Variants in ZNF254 observed in about 807,000 individuals in gnomAD.
ZNF254 encodes CTD-2017D11.1.
ZNF254 carries 10 observed loss-of-function variants against 12.4 expected under a neutral mutation model. The observed-to-expected ratio is 0.80, with a 90% CI of 0.50 to 1.36. The LOEUF is 1.36. Ranked by LOEUF, ZNF254 falls within the 40% of genes most tolerant of loss-of-function variation. The pLI is 0.00. For missense variants in ZNF254, 996 were observed against 763.9 expected (o/e 1.30, Z -3.58); for synonymous variants, 305 against 253.4 (o/e 1.20, Z -1.93).
In ZNF254 at chr19:24,105,931, G is replaced by GT. The variant is rs1243157506; in HGVS notation, c.31-5dup. The GT allele has an allele frequency of 1.3e-6, 2 of 1,586,752 alleles. No individual in the cohort carries two copies. The highest frequency in any genetic ancestry group is 2.7e-5 in the African/African-American group (2 of 74,252). ...TTTGTAAATATGTGTGTTTGTGTGTGTTTTCCAGGGACTGTTGACATTTAG... is the reference window on the plus strand; with the variant it reads ...TTTGTAAATATGTGTGTTTGTGTGTGTTTTTCCAGGGACTGTTGACATTTAG... On this transcript the variant is annotated splice_polypyrimidine_tract_variant and intron_variant, in intron 1 of 3. Coordinates refer to ENST00000357002, the MANE Select transcript of ZNF254 (RefSeq NM_203282.4).
At position 24,127,088 on chromosome 19, in the gene ZNF254, C is replaced by T. The variant is rs1387786668; in HGVS notation, c.1088C>T (p.Ser363Leu). 2.5e-6 allele frequency: 4 copies of T among 1,613,402 alleles called. No homozygotes were observed. Among genetic ancestry groups the T allele is most frequent in the Admixed American group, 1.7e-5 (1 of 59,920 alleles). ...TGTGGCAAAGCTTTTAGCCAGTCCT[C>T]AACCCTTACTACACATAAGATAATT... ...EECGKAFSQS[S>L]TLTTHKIIHT... The change falls in exon 4 of 4, where the codon TCA becomes TTA. Residue 363 changes from serine to leucine, a missense_variant. Ser to Leu is a moderately radical substitution (Grantham distance 145, BLOSUM62 -2). Transcript: ENST00000357002.
In ZNF254 at chr19:24,121,368, A is replaced by G. The variant is rs183092670; in HGVS notation, c.254-4886A>G. Among the ~76,000 whole-genome samples, 20 of 152,144 alleles carry G rather than the reference A, an allele frequency of 1.3e-4. 1 individual carries two copies. The highest frequency in any genetic ancestry group is 5.9e-4 in the Admixed American group (9 of 15,280). On this transcript the variant is annotated intron_variant, in intron 3 of 3. Coordinates refer to ENST00000357002, the MANE Select transcript of ZNF254 (RefSeq NM_203282.4). ...TTGCAATTTTATATTTTTGTGTTAT[A>G]TATTCTAGCATATGCCACCATACAT...
At chr19:24,115,680 TAAAAA>T (rs944466681) in intron 3 of ZNF254, among the ~76,000 whole-genome samples, 1 of 151,928 alleles carries the variant, frequency 6.6e-6, no homozygotes, top group Non-Finnish European at 1.5e-5. Flanking sequence ...ATAATAATAA[TAAAAA>T]AAGAAAAATA....
At chr19:24,111,679 TG>T (rs1973691841) in intron 3 of ZNF254, among the ~76,000 whole-genome samples, 1 of 152,270 alleles carries the variant, frequency 6.6e-6, no homozygotes, top group African/African-American at 2.4e-5. Context: ...ATTGTGGTTT[TG>T]ATTTGCATTT....
intron 2 of ZNF254, among the ~76,000 whole-genome samples, chr19:24,059,979 T>C (rs1366483064): frequency 6.6e-6 from 1 of 152,090 alleles, no homozygotes; most frequent in Non-Finnish European, 1.5e-5. Flanking sequence ...CTACCTGCAT[T>C]CTTCCCACAG....
intron 1 of ZNF254, among the ~76,000 whole-genome samples, chr19:24,091,433 T>C (rs1165060683): frequency 1.3e-5 from 2 of 152,222 alleles, no homozygotes; most frequent in Middle Eastern, 3.2e-3. Context: ...AATTCCTTTT[T>C]TTAGCAGGGT....
chr19:24,065,224 C>G (rs1272309341), intron 2 of ZNF254, among the ~76,000 whole-genome samples: 1 of 152,154 alleles, frequency 6.6e-6, no homozygotes, highest in East Asian at 1.9e-4. Context: ...TATTGCTGGG[C>G]CCAGGAACCA....
At chr19:24,108,734 A>G (rs1180784402) in intron 3 of ZNF254, among the ~76,000 whole-genome samples, 1 of 152,220 alleles carries the variant, frequency 6.6e-6, no homozygotes, top group Non-Finnish European at 1.5e-5. Flanking sequence ...GCCACTCTCC[A>G]TATAAATTTT....
At chr19:24,052,142 C>A (rs2145318729) in intron 2 of ZNF254, among the ~76,000 whole-genome samples, 1 of 152,254 alleles carries the variant, frequency 6.6e-6, no homozygotes, top group Middle Eastern at 3.4e-3. Context: ...GGGCTTTGCC[C>A]AAGCAGGGAT....
chr19:24,041,228 T>A (rs1167591771), intron 1 of ZNF254, among the ~76,000 whole-genome samples: 8 of 152,226 alleles, frequency 5.3e-5, no homozygotes, highest in Non-Finnish European at 1.2e-4. Context: ...TGAGGAGCCC[T>A]TCAGGCCCCC....
At chr19:24,086,898 T>C (rs1972059920), upstream of ZNF254, among the ~76,000 whole-genome samples, 1 of 152,252 alleles carries the variant, frequency 6.6e-6, no homozygotes, top group Non-Finnish European at 1.5e-5. Context: ...ACATAAAATA[T>C]GTTTGTTCAC....
Position 24,127,095 on chromosome 19 carries a change from T to C in ZNF254, c.1095T>C (p.Leu365=), listed in dbSNP as rs771171615. 3.1e-6 allele frequency: 5 copies of C among 1,612,708 alleles called. No individual in the cohort carries two copies. Among genetic ancestry groups the C allele is most frequent in the Non-Finnish European group, 4.2e-6 (5 of 1,179,568 alleles). The change falls in exon 4 of 4, where the codon CTT becomes CTC. Residue 365 remains leucine, a synonymous_variant. Transcript: ENST00000357002. ...CGKAFSQSST[L]TTHKIIHTGE... The stretch of plus-strand genomic sequence containing the variant: ...AAGCTTTTAGCCAGTCCTCAACCCT[T>C]ACTACACATAAGATAATTCATACTG...
At chr19:24,046,196 C>T (rs1196048143) in exon 2 of ZNF254, 3 of 151,878 alleles carry the variant, frequency 2.0e-5, no homozygotes, top group Non-Finnish European at 2.9e-5. Flanking sequence ...CTTGCCATCT[C>T]TAAGCTGGAC....
At chr19:24,115,123 C>T (rs1383682003) in intron 3 of ZNF254, among the ~76,000 whole-genome samples, 3 of 152,140 alleles carry the variant, frequency 2.0e-5, no homozygotes, top group South Asian at 2.1e-4. Context: ...GTGGCGATTC[C>T]TCAGGGATCT....
chr19:24,082,660 A>AC (rs1040572739), upstream of ZNF254, among the ~76,000 whole-genome samples: 11 of 144,188 alleles, frequency 7.6e-5, no homozygotes, highest in African/African-American at 1.8e-4. Flanking sequence ...AAAAAAACAA[A>AC]AAAAAAAAAC....
At chr19:24,044,239 A>T (rs1355564140) in intron 1 of ZNF254, among the ~76,000 whole-genome samples, 1 of 103,806 alleles carries the variant, frequency 9.6e-6, no homozygotes, top group South Asian at 3.1e-4. Context: ...ACTCCGTTTA[A>T]AAAAAAAAAA....
Position 24,127,301 on chromosome 19 carries a change from A to C in ZNF254, c.1301A>C (p.Tyr434Ser). The change falls in exon 4 of 4, where the codon TAC (tyrosine) becomes TCC (serine). Residue 434 changes from tyrosine (Y) to serine (S), a missense_variant. Physicochemically the swap from Tyr to Ser is moderately radical, Grantham distance 144. Coordinates refer to ENST00000357002, the MANE Select transcript of ZNF254 (RefSeq NM_203282.4). ...ATAATTCATACTGGAGAGAAACCTTACAAGTGTGAAGAATGTGGCAAAGCA... is the reference window on the plus strand; with the variant it reads ...ATAATTCATACTGGAGAGAAACCTTCCAAGTGTGAAGAATGTGGCAAAGCA... ...HKIIHTGEKPYKCEECGKAFI... is the reference protein window; with the variant it reads ...HKIIHTGEKPSKCEECGKAFI... 1 of 1,613,786 alleles carries C rather than the reference A, an allele frequency of 6.2e-7. No homozygotes were observed. Among genetic ancestry groups the C allele is most frequent in the Non-Finnish European group, 8.5e-7 (1 of 1,179,858 alleles).
intron 2 of ZNF254, among the ~76,000 whole-genome samples, chr19:24,072,523 TG>T: frequency 6.6e-6 from 1 of 152,292 alleles, no homozygotes; most frequent in African/African-American, 2.4e-5. Context: ...GACATATTTC[TG>T]GGTCAAACCA....
intron 2 of ZNF254, among the ~76,000 whole-genome samples, chr19:24,048,001 T>TAA (rs1970466765): frequency 8.8e-6 from 1 of 114,252 alleles, no homozygotes; most frequent in Admixed American, 9.2e-5. Flanking sequence ...TTTTCTTTTC[T>TAA]TCTTTTTTTT....
Sources: gnomAD v4.1 joint callset for allele counts (sites outside exome capture counted in the v4.1 genomes callset) on GRCh38, gnomAD v4.1.1 for gene constraint, MANE v1.5 for transcripts, NCBI Gene and HGNC (gene_info 2026-07-23, HGNC 2026-07-21) for gene names.